Variants in C10orf67 observed in about 807,000 individuals in gnomAD.
The protein encoded by C10orf67 is uncharacterized protein C10orf67, mitochondrial.
Under a neutral mutation model 35.6 loss-of-function variants are expected in C10orf67, and 60 were observed. That is an observed-to-expected ratio of 1.68 (90% confidence interval 1.37 to 2.09). The LOEUF (loss-of-function observed/expected upper bound fraction) is 2.09. C10orf67 is among the 30% of genes most tolerant of loss of function. The pLI, the probability that C10orf67 is intolerant of heterozygous loss-of-function variation, is 0.00. For missense variants in C10orf67, 474 were observed against 330.2 expected, an observed-to-expected ratio of 1.44 and a Z score of -3.38; for synonymous variants, 167 against 115.8, an observed-to-expected ratio of 1.44 and a Z score of -2.84.
chr10:23,217,467 A>G (rs151016778), intron 15 of C10orf67, among the ~76,000 whole-genome samples: 432 of 152,344 alleles, frequency 2.8e-3, no homozygotes, highest in African/African-American at 9.8e-3. Flanking sequence ...TAAAAAGTTA[A>G]TACCCACTTG....
At chr10:23,272,712 TCAA>T (rs1230830820) in intron 8 of C10orf67, among the ~76,000 whole-genome samples, 1 of 152,184 alleles carries the variant, frequency 6.6e-6, no homozygotes, top group Non-Finnish European at 1.5e-5. Flanking sequence ...CTTGTTGATT[TCAA>T]CAACAACAAC....
At chr10:23,311,521 G>C (rs1395069741) in intron 4 of C10orf67, among the ~76,000 whole-genome samples, 4 of 152,142 alleles carry the variant, frequency 2.6e-5, no homozygotes, top group Admixed American at 6.5e-5. Flanking sequence ...AGACCAGCCT[G>C]ACCAACATGG....
intron 8 of C10orf67, among the ~76,000 whole-genome samples, chr10:23,270,436 T>C (rs1328103645): frequency 6.6e-6 from 1 of 152,220 alleles, no homozygotes; most frequent in Non-Finnish European, 1.5e-5. Context: ...CAGAGGTGTG[T>C]GGAGTCTTGG....
At chr10:23,338,352 G>A (rs1156361185) in intron 1 of C10orf67, among the ~76,000 whole-genome samples, 1 of 152,102 alleles carries the variant, frequency 6.6e-6, no homozygotes, top group African/African-American at 2.4e-5. Flanking sequence ...TGTCTAACTA[G>A]TCAACAGCAG....
At chr10:23,233,098 AG>A (rs1841956237) in intron 13 of C10orf67, among the ~76,000 whole-genome samples, 1 of 152,170 alleles carries the variant, frequency 6.6e-6, no homozygotes, top group Non-Finnish European at 1.5e-5. Flanking sequence ...TTGATGTTAC[AG>A]TGAGCTATGA....
At chr10:23,322,309 A>G (rs767245377) in intron 3 of C10orf67, 85 bp downstream of exon 3, 34 of 1,402,116 alleles carry the variant, frequency 2.4e-5, no homozygotes, top group Non-Finnish European at 3.0e-5. Flanking sequence ...TGCCCTCACA[A>G]GTTACTAAAT....
At chr10:23,309,008 T>C (rs1388544178) in intron 4 of C10orf67, among the ~76,000 whole-genome samples, 1 of 152,134 alleles carries the variant, frequency 6.6e-6, no homozygotes, top group Non-Finnish European at 1.5e-5. Context: ...ACTTTATTAT[T>C]TGCTTACTTT....
At chr10:23,241,745 T>C (rs914460175) in intron 12 of C10orf67, among the ~76,000 whole-genome samples, 3 of 151,944 alleles carry the variant, frequency 2.0e-5, no homozygotes, top group Non-Finnish European at 4.4e-5. Context: ...GGAAAGATAA[T>C]AGCTAAGAAT....
chr10:23,307,083 G>T (rs1844314767), intron 4 of C10orf67, among the ~76,000 whole-genome samples: 1 of 152,140 alleles, frequency 6.6e-6, no homozygotes, highest in Non-Finnish European at 1.5e-5. Flanking sequence ...TTGACATCTT[G>T]TTTTAAGCAT....
chr10:23,221,092 G>A (rs1841566638), intron 15 of C10orf67, among the ~76,000 whole-genome samples: 1 of 152,154 alleles, frequency 6.6e-6, no homozygotes, highest in African/African-American at 2.4e-5. Context: ...CCTGAGACTG[G>A]CTAATTCATG....
In C10orf67 at chr10:23,324,353, T is replaced by C. The variant is rs1055502866; in HGVS notation, c.328-1816A>G. 2.6e-5 allele frequency among the ~76,000 whole-genome samples: 4 copies of C among 152,280 alleles called. No homozygotes were observed. In the South Asian group the frequency reaches 6.2e-4, roughly 24 times the overall value. On this transcript the variant is annotated intron_variant, in intron 2 of 15. Transcript: ENST00000636213. ...GTTCTATGAATCTGGAGTTCACCTC[T>C]TTCTTCTCCCTGCTGTTAGGGGTCC...
intron 4 of C10orf67, among the ~76,000 whole-genome samples, chr10:23,310,327 G>C (rs1844450974): frequency 6.6e-6 from 1 of 152,168 alleles, no homozygotes; most frequent in Non-Finnish European, 1.5e-5. Context: ...CACCACTCTG[G>C]CCCCCCTTAG....
intron 13 of C10orf67, among the ~76,000 whole-genome samples, chr10:23,236,430 C>T (rs969274512): frequency 7.1e-6 from 1 of 141,706 alleles, no homozygotes. Context: ...GACTCTGTCT[C>T]AAAACAAAAC....
intron 2 of C10orf67, among the ~76,000 whole-genome samples, chr10:23,329,294 C>T (rs1845336323): frequency 6.6e-6 from 1 of 151,638 alleles, no homozygotes; most frequent in African/African-American, 2.4e-5. Context: ...TAATAAAAGA[C>T]AATAAATATT....
Position 23,344,673 on chromosome 10 carries a change from G to A in C10orf67, c.102C>T (p.Arg34=). 1 of 1,580,014 alleles carries A rather than the reference G, an allele frequency of 6.3e-7. No individual in the cohort carries two copies. Among genetic ancestry groups the A allele is most frequent in the Non-Finnish European group, 8.6e-7 (1 of 1,163,412 alleles). ...TGGCCTTGGCTTTCATGGCCTCCCAGCGTGTGCCAAAGGTCCCCCTCAAGG... is the reference window on the plus strand; with the variant it reads ...TGGCCTTGGCTTTCATGGCCTCCCAACGTGTGCCAAAGGTCCCCCTCAAGG... ...SSSLRGTFGT[R]WEAMKAKATE... Residue 34 remains arginine, a synonymous_variant, in exon 1 of 16, where the codon CGC becomes CGT. Transcript: ENST00000636213.
chr10:23,216,437 G>T (rs1002357928), intron 15 of C10orf67, among the ~76,000 whole-genome samples: 7 of 151,960 alleles, frequency 4.6e-5, no homozygotes, highest in Non-Finnish European at 1.5e-5. Flanking sequence ...CCAATTACTA[G>T]CATATTCTGA....
At chr10:23,252,612 C>A (rs1842484847) in intron 10 of C10orf67, among the ~76,000 whole-genome samples, 1 of 152,178 alleles carries the variant, frequency 6.6e-6, no homozygotes, top group Non-Finnish European at 1.5e-5. Context: ...ATTTAGGTGA[C>A]TTTTTGAGTG....
rs545459909 is a variant in C10orf67, at chr10:23,234,999, C to T, written c.1434+4730G>A. ...TGCACTCCAGCCTGAGGAACAAGAG[C>T]GAAATTCCATCTCAAAAAAAAAAAA... is the stretch of plus-strand genomic sequence containing the variant. On this transcript the variant is annotated intron_variant, in intron 13 of 15. Transcript: ENST00000636213. Among the ~76,000 whole-genome samples, 4 of 95,072 alleles carry T rather than the reference C, an allele frequency of 4.2e-5. No individual in the cohort carries two copies. The East Asian group carries it at 8.7e-4, about 21-fold the overall frequency. The allele number at this position is 95,072 out of a possible 152,430, so 62.4% of individuals were successfully genotyped here.
chr10:23,318,859 T>G, intron 4 of C10orf67: 1 of 773,962 alleles, frequency 1.3e-6, no homozygotes, highest in Non-Finnish European at 2.4e-6. Context: ...CTGCTTCTTA[T>G]CTTTCCACCT....
Sources: gnomAD v4.1 joint callset for allele counts (sites outside exome capture counted in the v4.1 genomes callset) on GRCh38, gnomAD v4.1.1 for gene constraint, MANE v1.5 for transcripts, NCBI Gene and HGNC (gene_info 2026-07-23, HGNC 2026-07-21) for gene names.